SYN3: variants seen among roughly 807,000 people sequenced by gnomAD.
SYN3 encodes the protein synapsin III, also known as synapsin-3.
Under a neutral mutation model 65.8 loss-of-function variants are expected in SYN3, and 35 were observed. The observed-to-expected ratio is 0.53, with a 90% CI of 0.41 to 0.70. The LOEUF (loss-of-function observed/expected upper bound fraction) is 0.70, where lower values mean the gene tolerates loss of function less well. Among genes scored for constraint, SYN3 ranks in the 30% least tolerant of loss-of-function variants. The pLI, the probability that SYN3 is intolerant of heterozygous loss-of-function variation, is 0.00. For missense variants in SYN3, 680 were observed against 749.0 expected (o/e 0.91, Z 1.08); for synonymous variants, 270 against 292.9 (o/e 0.92, Z 0.80).
rs1386330386 is a variant in SYN3, at chr22:32,513,493, A to G, written c.*199T>C. ...GGAGGCTCTCAAAGGCCCACCTCAC[A>G]GTCAGACAATGCTGGAATGTCACGG... On this transcript the variant is annotated 3_prime_UTR_variant, in exon 14 of 14. Transcript: ENST00000358763. The G allele has an allele frequency of 2.1e-5, 14 of 681,324 alleles. No homozygotes were observed. In the East Asian group the frequency reaches 3.7e-4, roughly 18 times the overall value. 42.2% of individuals were successfully genotyped at this position (681,324 alleles called of 1,614,324 possible).
chr22:32,582,894 C>T (rs2058970158), intron 7 of SYN3, among the ~76,000 whole-genome samples: 1 of 152,204 alleles, frequency 6.6e-6, no homozygotes, highest in Admixed American at 6.5e-5. Flanking sequence ...CTGTTAGCAG[C>T]CTCCTCCATC....
At chr22:32,646,056 A>C (rs1003917339) in intron 6 of SYN3, among the ~76,000 whole-genome samples, 2 of 152,136 alleles carry the variant, frequency 1.3e-5, no homozygotes, top group African/African-American at 4.8e-5. Context: ...CTAGAGTGGA[A>C]GTGGCTGCTT....
chr22:32,566,133 G>A (rs2146385202), intron 7 of SYN3, among the ~76,000 whole-genome samples: 1 of 152,190 alleles, frequency 6.6e-6, no homozygotes, highest in East Asian at 1.9e-4. Flanking sequence ...GTGAGCCACT[G>A]CACCTGGCCA....
At chr22:33,037,776 T>C (rs9609689) in intron 1 of SYN3, among the ~76,000 whole-genome samples, 27,559 of 152,092 alleles carry the variant, frequency 0.18, 2,810 homozygotes, top group East Asian at 0.41. Flanking sequence ...ATTCCCACAG[T>C]GTCTGAGCTC....
At chr22:32,548,609 T>A (rs2058367673) in intron 7 of SYN3, among the ~76,000 whole-genome samples, 1 of 151,722 alleles carries the variant, frequency 6.6e-6, no homozygotes, top group East Asian at 2.0e-4. Flanking sequence ...CCTGATCTTG[T>A]GATCCGCCCG....
At chr22:32,710,190 T>C (rs1347950886) in intron 6 of SYN3, among the ~76,000 whole-genome samples, 1 of 150,926 alleles carries the variant, frequency 6.6e-6, no homozygotes, top group Non-Finnish European at 1.5e-5. Context: ...TCTGTGTCCC[T>C]GCCCAAATCT....
At chr22:32,641,021 C>T (rs967631703) in intron 6 of SYN3, among the ~76,000 whole-genome samples, 8 of 152,226 alleles carry the variant, frequency 5.3e-5, no homozygotes, top group Admixed American at 3.9e-4. Context: ...TGGGCATTCG[C>T]CCAGGTCTCT....
At chr22:32,782,764 G>A (rs569454786) in intron 6 of SYN3, among the ~76,000 whole-genome samples, 2 of 151,466 alleles carry the variant, frequency 1.3e-5, no homozygotes, top group East Asian at 2.0e-4. Context: ...TGATCCGCCC[G>A]CGTCAGCCTC....
In SYN3 at chr22:32,513,154, C is replaced by G. The variant is rs939449225; in HGVS notation, c.*538G>C. 6.6e-6 allele frequency: 1 copy of G among 152,664 alleles called. No homozygotes were observed. The highest frequency in any genetic ancestry group is 1.9e-4 in the East Asian group (1 of 5,204). 9.5% of individuals were successfully genotyped at this position (152,664 alleles called of 1,614,324 possible). The stretch of plus-strand genomic sequence containing the variant: ...TTGCCTGCCTGGTCTAAGGGCGGGT[C>G]TTGAGCGTGGATGGAACTAGCGTGG... On this transcript the variant is annotated 3_prime_UTR_variant, in exon 14 of 14. Transcript: ENST00000358763.
chr22:32,857,463 T>G (rs1310894800), intron 6 of SYN3: 15 of 888,348 alleles, frequency 1.7e-5, no homozygotes, highest in Non-Finnish European at 1.1e-5. Flanking sequence ...AAATGTCCAG[T>G]AAATTGTAAG....
intron 6 of SYN3, among the ~76,000 whole-genome samples, chr22:32,809,529 T>C (rs1020632506): frequency 2.0e-5 from 3 of 152,074 alleles, no homozygotes; most frequent in Non-Finnish European, 2.9e-5. Flanking sequence ...TTCAACACTA[T>C]GGAATTTTTT....
At chr22:32,543,127 C>T (rs2058285104) in intron 7 of SYN3, among the ~76,000 whole-genome samples, 1 of 152,178 alleles carries the variant, frequency 6.6e-6, no homozygotes, top group South Asian at 2.1e-4. Context: ...TCAGCTTTGC[C>T]TTGGCAACTC....
chr22:32,782,805 C>T (rs1285414637), intron 6 of SYN3, among the ~76,000 whole-genome samples: 3 of 152,146 alleles, frequency 2.0e-5, no homozygotes, highest in Non-Finnish European at 2.9e-5. Flanking sequence ...GCGTGAGCCA[C>T]CGTGCCCAGC....
intron 6 of SYN3, among the ~76,000 whole-genome samples, chr22:32,618,956 G>A (rs543211171): frequency 1.3e-5 from 2 of 152,294 alleles, no homozygotes; most frequent in East Asian, 3.9e-4. Flanking sequence ...GGTAAAATGG[G>A]TCTAAGCTGA....
At chr22:32,601,467 C>A (rs1356312730) in intron 6 of SYN3, among the ~76,000 whole-genome samples, 1 of 152,148 alleles carries the variant, frequency 6.6e-6, no homozygotes, top group Non-Finnish European at 1.5e-5. Context: ...TTAGTAGAGA[C>A]GGGGTTTCAC....
chr22:32,810,607 A>T (rs2046890951), intron 6 of SYN3, among the ~76,000 whole-genome samples: 1 of 152,138 alleles, frequency 6.6e-6, no homozygotes, highest in African/African-American at 2.4e-5. Flanking sequence ...AGAGATCTTA[A>T]ATACTACATG....
chr22:32,654,236 C>T (rs985402118), intron 6 of SYN3, among the ~76,000 whole-genome samples: 2 of 152,202 alleles, frequency 1.3e-5, no homozygotes, highest in African/African-American at 2.4e-5. Context: ...ACCCACTCCC[C>T]TCCCTCCACT....
intron 4 of SYN3, among the ~76,000 whole-genome samples, chr22:32,869,689 G>GTTTTTT (rs1288480674): frequency 2.5e-5 from 3 of 118,446 alleles, no homozygotes; most frequent in Non-Finnish European, 5.1e-5. Context: ...AACACATCTT[G>GTTTTTT]GTTTTTTTTT....
chr22:32,515,381 T>C (rs548962213), intron 13 of SYN3, among the ~76,000 whole-genome samples: 1 of 152,286 alleles, frequency 6.6e-6, no homozygotes, highest in Admixed American at 6.5e-5. Context: ...ATAATAACCC[T>C]GTGCGGTTAT....
Sources: allele counts gnomAD v4.1 joint callset (sites outside exome capture counted in the v4.1 genomes callset), GRCh38; gene constraint gnomAD v4.1.1; transcripts MANE v1.5; gene names NCBI Gene and HGNC (gene_info 2026-07-23, HGNC 2026-07-21).